The following PARD3 variants were observed in gnomAD, a reference collection of about 807,000 sequenced individuals.
The protein encoded by PARD3 is partitioning defective 3 homolog.
In PARD3, 75 loss-of-function variants were observed where a neutral mutation model predicts 155.4. The observed-to-expected ratio is 0.48, with a 90% confidence interval of 0.40 to 0.58. PARD3 has a LOEUF of 0.58. Ranked by LOEUF, PARD3 falls within the 20% of genes least tolerant of loss-of-function variation. The probability of loss-of-function intolerance (pLI) is 0.00; values close to 1 mark genes in which losing one functional copy is unlikely to be tolerated. For synonymous variants in PARD3, 576 were observed against 610.5 expected, an observed-to-expected ratio of 0.94 and a Z score of 0.83; for missense variants, 1,642 against 1,721.7, an observed-to-expected ratio of 0.95 and a Z score of 0.82.
intron 22 of PARD3, among the ~76,000 whole-genome samples, chr10:34,147,650 C>T (rs1044220609): frequency 6.6e-6 from 1 of 151,730 alleles, no homozygotes; most frequent in African/African-American, 2.4e-5. Flanking sequence ...ACTTTACTAA[C>T]TTTGTTTTGG....
At chr10:34,157,711 G>C (rs182261286) in intron 22 of PARD3, among the ~76,000 whole-genome samples, 1 of 152,246 alleles carries the variant, frequency 6.6e-6, no homozygotes, top group East Asian at 1.9e-4. Flanking sequence ...GCTTCCTATA[G>C]AGGGTTCCCT....
At chr10:34,742,899 C>A (rs2095044657) in intron 1 of PARD3, among the ~76,000 whole-genome samples, 1 of 152,196 alleles carries the variant, frequency 6.6e-6, no homozygotes, top group African/African-American at 2.4e-5. Context: ...TATGTTCCTA[C>A]CACAGGCTCC....
intron 14 of PARD3, among the ~76,000 whole-genome samples, chr10:34,358,094 T>C (rs531999412): frequency 4.6e-5 from 7 of 152,334 alleles, no homozygotes; most frequent in East Asian, 1.9e-4. Context: ...AATCTGAACA[T>C]TGATTTAAGA....
At chr10:34,713,405 A>G (rs1260670535) in intron 1 of PARD3, among the ~76,000 whole-genome samples, 5 of 152,138 alleles carry the variant, frequency 3.3e-5, no homozygotes, top group Non-Finnish European at 7.3e-5. Context: ...TATCACAGAT[A>G]AACAATCTAA....
chr10:34,765,845 A>G (rs1030467389), intron 1 of PARD3, among the ~76,000 whole-genome samples: 1 of 152,168 alleles, frequency 6.6e-6, no homozygotes, highest in Non-Finnish European at 1.5e-5. Flanking sequence ...AACAATTTTC[A>G]TTTATTAACT....
chr10:34,261,717 AAAGGAAGAAAGG>A (rs145325977), intron 22 of PARD3, among the ~76,000 whole-genome samples: 18,765 of 111,748 alleles, frequency 0.17, 3,660 homozygotes, highest in African/African-American at 0.48. Context: ...AGGAAGGAAG[AAAGGAAGAAAGG>A]AAGGAAGAAA....
chr10:34,810,855 G>C (rs1037367691), intron 1 of PARD3, among the ~76,000 whole-genome samples: 1 of 152,110 alleles, frequency 6.6e-6, no homozygotes, highest in Non-Finnish European at 1.5e-5. Flanking sequence ...TATTCCACTT[G>C]AGATAATGGG....
intron 2 of PARD3, among the ~76,000 whole-genome samples, chr10:34,661,784 G>A (rs1213485276): frequency 6.6e-6 from 1 of 152,132 alleles, no homozygotes; most frequent in Non-Finnish European, 1.5e-5. Flanking sequence ...GTCAAAGGAG[G>A]GACCGCCCAG....
chr10:34,344,321 T>G (rs1169257814), intron 15 of PARD3: 29 of 960,050 alleles, frequency 3.0e-5, no homozygotes, highest in Non-Finnish European at 3.6e-5. Context: ...CTCACTCTGT[T>G]GCCCAGGCTG....
rs935426604 is a variant in PARD3 at position 34,814,903 on chromosome 10, C to T, written c.93G>A (p.Val31=). 6.4e-5 allele frequency: 98 copies of T among 1,539,654 alleles called. No homozygotes were observed. Among genetic ancestry groups the T allele is most frequent in the Non-Finnish European group, 8.5e-5 (97 of 1,143,400 alleles). The change falls in exon 1 of 25, where the codon GTG becomes GTA. Residue 31 remains valine, a synonymous_variant. Coordinates refer to ENST00000374788, the MANE Select transcript of PARD3 (RefSeq NM_001184785.2). ...TGGCGATGGCCTTCCGGTAGCGGGT[C>T]ACCGCCTGCTGGATGAGGCTGAAAA... The part of the protein sequence containing the change: ...MKVFSLIQQA[V]TRYRKAIAKD...
chr10:34,774,397 T>A (rs1476954411), intron 1 of PARD3, among the ~76,000 whole-genome samples: 7 of 152,190 alleles, frequency 4.6e-5, no homozygotes, highest in Non-Finnish European at 8.8e-5. Context: ...GTTTTCTGAG[T>A]GCTGCATTAC....
chr10:34,735,959 A>T (rs1484200928), intron 1 of PARD3, among the ~76,000 whole-genome samples: 1 of 152,102 alleles, frequency 6.6e-6, no homozygotes, highest in Non-Finnish European at 1.5e-5. Context: ...TCCTGGGCTC[A>T]AGTCATCAAT....
At chr10:34,188,278 T>G (rs559216604) in intron 22 of PARD3, among the ~76,000 whole-genome samples, 1 of 152,292 alleles carries the variant, frequency 6.6e-6, no homozygotes, top group East Asian at 1.9e-4. Context: ...TTGAACACAG[T>G]CCTAAGTAAG....
chr10:34,722,263 A>G (rs899312437), intron 1 of PARD3, among the ~76,000 whole-genome samples: 4 of 152,012 alleles, frequency 2.6e-5, no homozygotes, highest in Admixed American at 2.0e-4. Flanking sequence ...ATATATATAG[A>G]CTGTTTATCT....
intron 1 of PARD3, among the ~76,000 whole-genome samples, chr10:34,701,006 T>C (rs1408152523): frequency 6.6e-6 from 1 of 151,420 alleles, no homozygotes; most frequent in Non-Finnish European, 1.5e-5. Flanking sequence ...TGACAAAATA[T>C]AAGTCATAAA....
At chr10:34,312,481 C>T in intron 20 of PARD3, 1 of 1,123,638 alleles carries the variant, frequency 8.9e-7, no homozygotes, top group Non-Finnish European at 1.3e-6. Flanking sequence ...GATGTATAAT[C>T]CAAACTACGA....
intron 2 of PARD3, among the ~76,000 whole-genome samples, chr10:34,657,716 T>C (rs1024065017): frequency 3.9e-5 from 6 of 152,108 alleles, no homozygotes; most frequent in African/African-American, 1.4e-4. Context: ...TTTTTGTATT[T>C]TTAGTAGAGA....
intron 4 of PARD3, among the ~76,000 whole-genome samples, chr10:34,465,601 A>T (rs2077961063): frequency 6.6e-6 from 1 of 152,178 alleles, no homozygotes; most frequent in Admixed American, 6.5e-5. Context: ...GAAGCTAATG[A>T]TGCCAATGCA....
chr10:34,455,547 G>C (rs193201635), intron 4 of PARD3, among the ~76,000 whole-genome samples: 1 of 151,028 alleles, frequency 6.6e-6, no homozygotes, highest in Non-Finnish European at 1.5e-5. Flanking sequence ...CTGGAGCCTC[G>C]GCAACAATTT....
Sources: allele counts gnomAD v4.1 joint callset (sites outside exome capture counted in the v4.1 genomes callset), GRCh38; gene constraint gnomAD v4.1.1; transcripts MANE v1.5; gene names NCBI Gene and HGNC (gene_info 2026-07-23, HGNC 2026-07-21).